The following ADK variants were observed in gnomAD, a reference collection of about 807,000 sequenced individuals.
ADK encodes the protein adenosine kinase, also known as N6,N6-dimethyladenosine kinase.
ADK carries 24 observed loss-of-function variants against 44.7 expected under a neutral mutation model. The observed-to-expected ratio is 0.54, with a 90% CI of 0.39 to 0.76. The LOEUF is 0.76. Ranked by LOEUF, ADK falls within the 30% of genes least tolerant of loss-of-function variation. ADK has a pLI of 0.00. For synonymous variants in ADK, 128 were observed against 142.6 expected (o/e 0.90, Z 0.73); for missense variants, 321 against 425.1 (o/e 0.76, Z 2.15).
chr10:74,689,803 A>G (rs780410369), intron 10 of ADK, among the ~76,000 whole-genome samples: 3 of 152,204 alleles, frequency 2.0e-5, no homozygotes, highest in Non-Finnish European at 4.4e-5. Context: ...TTAGCTCTTT[A>G]ACTTTTGTCA....
At chr10:74,440,687 AAACTT>A (rs1424427854) in intron 6 of ADK, among the ~76,000 whole-genome samples, 1 of 152,150 alleles carries the variant, frequency 6.6e-6, no homozygotes, top group Non-Finnish European at 1.5e-5. Flanking sequence ...ACTGAGAACT[AAACTT>A]GGGATTGGAA....
At chr10:74,575,467 G>A (rs1435198283) in intron 7 of ADK, among the ~76,000 whole-genome samples, 1 of 152,150 alleles carries the variant, frequency 6.6e-6, no homozygotes, top group Non-Finnish European at 1.5e-5. Flanking sequence ...CTTCTGTTAT[G>A]CAAAAGATGG....
chr10:74,254,378 G>A (rs1845752161), intron 3 of ADK, among the ~76,000 whole-genome samples: 1 of 151,478 alleles, frequency 6.6e-6, no homozygotes, highest in Admixed American at 6.6e-5. Context: ...CCCACAAATT[G>A]TAAAAAAGGA....
chr10:74,224,168 A>C (rs928399284), intron 2 of ADK, among the ~76,000 whole-genome samples: 1 of 152,218 alleles, frequency 6.6e-6, no homozygotes, highest in Admixed American at 6.5e-5. Context: ...AGCCTGGTTC[A>C]CAGTATATGA....
At chr10:74,690,727 T>A (rs529918654) in intron 10 of ADK, among the ~76,000 whole-genome samples, 4 of 152,278 alleles carry the variant, frequency 2.6e-5, no homozygotes, top group African/African-American at 9.6e-5. Flanking sequence ...GTCCCCCAAT[T>A]GAGGTGTTAT....
intron 6 of ADK, among the ~76,000 whole-genome samples, chr10:74,509,899 A>G (rs1848237765): frequency 6.6e-6 from 1 of 152,178 alleles, no homozygotes; most frequent in African/African-American, 2.4e-5. Flanking sequence ...CTATGTTGCC[A>G]TGAACCACAG....
chr10:74,300,499 C>A (rs1839993045), intron 3 of ADK, among the ~76,000 whole-genome samples: 1 of 152,028 alleles, frequency 6.6e-6, no homozygotes, highest in Non-Finnish European at 1.5e-5. Flanking sequence ...ACCTCAGCCT[C>A]CCAAGTAGCT....
intron 7 of ADK, among the ~76,000 whole-genome samples, 186 bp from the exon 8 acceptor site, chr10:74,589,096 C>CT (rs1160638466): frequency 6.6e-6 from 1 of 151,786 alleles, no homozygotes; most frequent in Non-Finnish European, 1.5e-5. Flanking sequence ...ATTAGGCTGC[C>CT]TTTTTTTATT....
intron 2 of ADK, among the ~76,000 whole-genome samples, chr10:74,209,737 A>G (rs2132185784): frequency 6.6e-6 from 1 of 152,292 alleles, no homozygotes; most frequent in East Asian, 1.9e-4. Context: ...AAAAGAATTG[A>G]AAGTTATTAG....
intron 7 of ADK, among the ~76,000 whole-genome samples, chr10:74,549,265 A>T (rs1849945785): frequency 6.6e-6 from 1 of 152,222 alleles, no homozygotes; most frequent in Non-Finnish European, 1.5e-5. Context: ...AGATAAATGT[A>T]CATGGTGTTG....
At chr10:74,371,772 A>C in intron 4 of ADK, 1 of 1,336,308 alleles carries the variant, frequency 7.5e-7, no homozygotes, top group Non-Finnish European at 1.1e-6. Context: ...TATATCCTCC[A>C]GGAATATTGG....
At chr10:74,324,164 A>G (rs1443799194) in intron 4 of ADK, among the ~76,000 whole-genome samples, 5 of 152,132 alleles carry the variant, frequency 3.3e-5, no homozygotes, top group African/African-American at 1.2e-4. Flanking sequence ...CTGGGTCTAT[A>G]GGTATGTGCC....
Position 74,221,826 on chromosome 10 carries a change from A to G in ADK, c.141-2712A>G, listed in dbSNP as rs751500426. 6.0e-3 allele frequency among the ~76,000 whole-genome samples: 896 copies of G among 149,510 alleles called. 3 individuals carry two copies. Among genetic ancestry groups the G allele is most frequent in the Non-Finnish European group, 0.01 (689 of 67,348 alleles). ...GAAAACTGGCTAGCCATATGGAGAA[A>G]GCTGAAACTGGATCCCTTCCTTACA... On this transcript the variant is annotated intron_variant, in intron 2 of 10. Transcript: ENST00000539909.
At chr10:74,393,173 T>C (rs538989301) in intron 4 of ADK, among the ~76,000 whole-genome samples, 1 of 152,302 alleles carries the variant, frequency 6.6e-6, no homozygotes, top group South Asian at 2.1e-4. Context: ...GTATTTCTTT[T>C]CTATTCCAAA....
chr10:74,484,580 T>A (rs1413228852), intron 6 of ADK, among the ~76,000 whole-genome samples: 1 of 152,170 alleles, frequency 6.6e-6, no homozygotes, highest in African/African-American at 2.4e-5. Context: ...AAAAACAAGA[T>A]TTTTGTGAAA....
chr10:74,614,018 G>A (rs779408053), intron 9 of ADK, among the ~76,000 whole-genome samples: 3 of 152,118 alleles, frequency 2.0e-5, no homozygotes, highest in Admixed American at 2.0e-4. Flanking sequence ...ATGAATGTAA[G>A]TTACTAAGTT....
intron 9 of ADK, among the ~76,000 whole-genome samples, chr10:74,643,548 A>G (rs997748692): frequency 2.0e-5 from 3 of 152,208 alleles, no homozygotes; most frequent in Non-Finnish European, 4.4e-5. Flanking sequence ...TCTCGATTTT[A>G]TCTTTAACTC....
At chr10:74,168,846 C>T (rs931124994) in intron 1 of ADK, among the ~76,000 whole-genome samples, 5 of 151,976 alleles carry the variant, frequency 3.3e-5, no homozygotes, top group African/African-American at 1.2e-4. Context: ...CTCCTGACCT[C>T]GTGATCCTCC....
intron 10 of ADK, among the ~76,000 whole-genome samples, chr10:74,694,530 G>T (rs1031756856): frequency 2.0e-5 from 3 of 152,104 alleles, no homozygotes; most frequent in African/African-American, 7.2e-5. Context: ...GTCCAGGCTA[G>T]AGTACAGTGG....
Sources: gnomAD v4.1 joint callset for allele counts (sites outside exome capture counted in the v4.1 genomes callset) on GRCh38, gnomAD v4.1.1 for gene constraint, MANE v1.5 for transcripts, NCBI Gene and HGNC (gene_info 2026-07-23, HGNC 2026-07-21) for gene names.